The following HECW1 variants were observed in gnomAD, a reference collection of about 807,000 sequenced individuals.
HECW1 encodes the protein HECT, C2 and WW domain containing E3 ubiquitin protein ligase 1, also known as E3 ubiquitin-protein ligase HECW1.
HECW1 carries 61 observed loss-of-function variants against 182.3 expected under a neutral mutation model. The ratio of observed to expected loss-of-function variants is 0.33; its 90% CI spans 0.27 to 0.41. The LOEUF is 0.41. Ranked by LOEUF, HECW1 falls within the 10% of genes least tolerant of loss-of-function variation. HECW1 has a pLI of 1.00. For synonymous variants in HECW1, 859 were observed against 832.6 expected, an observed-to-expected ratio of 1.03 and a Z score of -0.55; for missense variants, 1,739 against 2,108.9, an observed-to-expected ratio of 0.82 and a Z score of 3.44.
intron 2 of HECW1, among the ~76,000 whole-genome samples, chr7:43,198,164 G>A (rs972012373): frequency 1.6e-4 from 18 of 110,416 alleles, no homozygotes; most frequent in Admixed American, 1.3e-3. Context: ...TCATACTCAC[G>A]CACACCCCAC....
intron 5 of HECW1, among the ~76,000 whole-genome samples, chr7:43,328,561 C>A (rs1433521372): frequency 6.6e-6 from 1 of 152,182 alleles, no homozygotes; most frequent in Non-Finnish European, 1.5e-5. Flanking sequence ...CGTGGGAAGA[C>A]AAGACGCAGG....
At chr7:43,227,263 C>T (rs1266332197) in intron 2 of HECW1, among the ~76,000 whole-genome samples, 1 of 151,868 alleles carries the variant, frequency 6.6e-6, no homozygotes, top group Non-Finnish European at 1.5e-5. Flanking sequence ...CCAGGGATGG[C>T]TATTTTAAGG....
At chr7:43,167,756 T>C (rs909377351) in intron 2 of HECW1, among the ~76,000 whole-genome samples, 1 of 152,214 alleles carries the variant, frequency 6.6e-6, no homozygotes, top group African/African-American at 2.4e-5. Flanking sequence ...TACCACCCTC[T>C]CTCCTGTAAT....
chr7:43,219,082 A>C (rs1052169364), intron 2 of HECW1, among the ~76,000 whole-genome samples: 2 of 152,126 alleles, frequency 1.3e-5, no homozygotes, highest in African/African-American at 4.8e-5. Flanking sequence ...CTGCGAAAAA[A>C]ACTAGCCTTC....
chr7:43,333,457 A>G (rs2152793511), intron 5 of HECW1, among the ~76,000 whole-genome samples: 1 of 152,336 alleles, frequency 6.6e-6, no homozygotes, highest in South Asian at 2.1e-4. Flanking sequence ...TTGTATATGC[A>G]TTTATAAAAG....
At chr7:43,206,373 G>A (rs913742678) in intron 2 of HECW1, among the ~76,000 whole-genome samples, 2 of 152,046 alleles carry the variant, frequency 1.3e-5, no homozygotes, top group African/African-American at 2.4e-5. Context: ...CGAAGGTAAG[G>A]GTTGGCCAAA....
At chr7:43,502,123 G>A (rs1352130813) in intron 21 of HECW1, among the ~76,000 whole-genome samples, 2 of 152,194 alleles carry the variant, frequency 1.3e-5, no homozygotes, top group African/African-American at 4.8e-5. Context: ...TCAAACGGAA[G>A]AGCCCTTTCT....
intron 6 of HECW1, among the ~76,000 whole-genome samples, chr7:43,379,331 C>A (rs1363013484): frequency 1.3e-5 from 2 of 152,202 alleles, no homozygotes; most frequent in African/African-American, 2.4e-5. Context: ...ACACAGCCAG[C>A]CTGCCTGCAC....
chr7:43,400,232 C>T (rs1219794534), intron 7 of HECW1, among the ~76,000 whole-genome samples: 1 of 152,044 alleles, frequency 6.6e-6, no homozygotes, highest in Non-Finnish European at 1.5e-5. Flanking sequence ...CAAGACCCTG[C>T]TTCAAAAGAC....
Position 43,343,943 on chromosome 7 carries a change from G to A in HECW1, c.461-16943G>A, listed in dbSNP as rs900464015. 7.9e-5 allele frequency among the ~76,000 whole-genome samples: 12 copies of A among 151,622 alleles called. 1 individual carries two copies. Among genetic ancestry groups the A allele is most frequent in the African/African-American group, 2.2e-4 (9 of 40,992 alleles). Reference sequence around the variant, plus strand: ...GTTGTTTCCTGACCTTTTAATGATCGCCATTCTAACTGGTGTGAGATGGTG... The same window carrying A: ...GTTGTTTCCTGACCTTTTAATGATCACCATTCTAACTGGTGTGAGATGGTG... On this transcript the variant is annotated intron_variant, in intron 5 of 29. Transcript: ENST00000395891.
chr7:43,479,802 T>C, intron 17 of HECW1, 58 bp downstream of exon 17: 1 of 1,600,182 alleles, frequency 6.2e-7, no homozygotes, highest in Non-Finnish European at 8.6e-7. Context: ...GCCTCTTCCA[T>C]GGGAGCAGAA....
chr7:43,524,051 T>C (rs1283613651), intron 24 of HECW1, among the ~76,000 whole-genome samples: 2 of 152,202 alleles, frequency 1.3e-5, no homozygotes, highest in Non-Finnish European at 1.5e-5. Flanking sequence ...TCTCAAATTT[T>C]AGTCGGCAAC....
chr7:43,301,874 CAAAA>C (rs202061205), intron 3 of HECW1, among the ~76,000 whole-genome samples: 4 of 119,012 alleles, frequency 3.4e-5, no homozygotes, highest in Admixed American at 8.5e-5. Flanking sequence ...GAAACTCTGT[CAAAA>C]AAAAAAAAAA....
At chr7:43,425,502 A>G (rs1347685468) in intron 8 of HECW1, among the ~76,000 whole-genome samples, 1 of 152,050 alleles carries the variant, frequency 6.6e-6, no homozygotes, top group Non-Finnish European at 1.5e-5. Flanking sequence ...TGCGCTATCC[A>G]CTACAGATTG....
intron 3 of HECW1, among the ~76,000 whole-genome samples, chr7:43,292,594 A>C (rs1476041599): frequency 2.0e-5 from 3 of 152,220 alleles, no homozygotes; most frequent in African/African-American, 7.2e-5. Context: ...GAGGGAGCTC[A>C]GGGGACAGCT....
chr7:43,152,406 TAATAA>T (rs1369056986), intron 2 of HECW1, among the ~76,000 whole-genome samples: 1 of 152,216 alleles, frequency 6.6e-6, no homozygotes, highest in Non-Finnish European at 1.5e-5. Flanking sequence ...AGGCATAAAT[TAATAA>T]AATCGTAACA....
Position 43,460,861 on chromosome 7 carries a change from C to A in HECW1, c.2652-2799C>A, listed in dbSNP as rs555603249. ...CAGAGGTCAGACGTAGGGTCAAATG[C>A]AGGATTTGAGGCTGTTGACTCAGTA... On this transcript the variant is annotated intron_variant, in intron 13 of 29. Coordinates refer to ENST00000395891, the MANE Select transcript of HECW1 (RefSeq NM_015052.5). Among the ~76,000 whole-genome samples the A allele has an allele frequency of 3.1e-3, 465 of 152,266 alleles. 4 individuals are homozygous for A. In the Middle Eastern group the frequency reaches 0.054, roughly 18 times the overall value.
At chr7:43,264,446 G>A (rs1408336753) in intron 3 of HECW1, among the ~76,000 whole-genome samples, 1 of 152,090 alleles carries the variant, frequency 6.6e-6, no homozygotes, top group Non-Finnish European at 1.5e-5. Context: ...AGATTGAATA[G>A]TATTCCATTT....
At chr7:43,186,450 G>A (rs1324549611) in intron 2 of HECW1, among the ~76,000 whole-genome samples, 1 of 152,008 alleles carries the variant, frequency 6.6e-6, no homozygotes, top group African/African-American at 2.4e-5. Flanking sequence ...GATGGATCAC[G>A]AGGTCAGGAG....
Sources: gnomAD v4.1 joint callset for allele counts (sites outside exome capture counted in the v4.1 genomes callset) on GRCh38, gnomAD v4.1.1 for gene constraint, MANE v1.5 for transcripts, NCBI Gene and HGNC (gene_info 2026-07-23, HGNC 2026-07-21) for gene names.